MVP: variants seen among roughly 807,000 people sequenced by gnomAD.
The protein encoded by MVP is lung resistance-related protein.
Under a neutral mutation model 83.5 loss-of-function variants are expected in MVP, and 62 were observed. The ratio of observed to expected loss-of-function variants is 0.74; its 90% CI spans 0.61 to 0.92. MVP has a LOEUF of 0.92. Ranked by LOEUF, MVP falls within the 40% of genes least tolerant of loss-of-function variation. The probability of loss-of-function intolerance (pLI) is 0.00; values close to 1 mark genes in which losing one functional copy is unlikely to be tolerated. For synonymous variants in MVP, 505 were observed against 504.1 expected, an observed-to-expected ratio of 1.00 and a Z score of -0.02; for missense variants, 1,000 against 1,203.4, an observed-to-expected ratio of 0.83 and a Z score of 2.50.
chr16:29,821,702 A>G (rs889868587), intron 1 of MVP, among the ~76,000 whole-genome samples: 1 of 152,194 alleles, frequency 6.6e-6, no homozygotes, highest in Non-Finnish European at 1.5e-5. Context: ...CCGTCCTTTG[A>G]TAACTGTGTG....
At chr16:29,820,420 G>T (rs1567384999), upstream of MVP, 1 of 152,194 alleles carries the variant, frequency 6.6e-6, no homozygotes, top group Admixed American at 6.5e-5. Context: ...CCCTGGGCTT[G>T]GCCTGCCTTG....
rs1391135647 is a variant in MVP at position 29,830,658 on chromosome 16, C to T, written c.109C>T (p.Arg37Trp). Reference protein sequence around the residue: ...RVEVGPKTYIRQDNERVLFAP... With the variant: ...RVEVGPKTYIWQDNERVLFAP... ...GGAGGTCGGGCCAAAGACCTACATC[C>T]GGCAGGACAATGAGAGGTGGGTGTG... The change falls in exon 2 of 15, where the codon CGG becomes TGG. Residue 37 changes from arginine to tryptophan, a missense_variant. Coordinates refer to ENST00000357402, the MANE Select transcript of MVP (RefSeq NM_005115.5). The T allele has an allele frequency of 4.3e-6, 7 of 1,613,474 alleles. No homozygotes were observed. The highest frequency in any genetic ancestry group is 2.2e-5 in the East Asian group (1 of 44,850).
At chr16:29,835,649 T>C in intron 5 of MVP, 55 bp from the exon 6 acceptor site, 1 of 1,428,392 alleles carries the variant, frequency 7.0e-7, no homozygotes, top group South Asian at 1.2e-5. Context: ...GGGGGAGGGG[T>C]AGGTGGGGAG....
Position 29,841,771 on chromosome 16 carries a change from G to A in MVP, c.1367G>A (p.Arg456His), listed in dbSNP as rs770298393. 1.4e-5 allele frequency: 22 copies of A among 1,613,490 alleles called. No homozygotes were observed. The highest frequency in any genetic ancestry group is 4.0e-5 in the African/African-American group (3 of 74,918). ...LQPLAPRNKT[R>H]VVSYRVPHNA... is the part of the protein sequence containing the mutation. Reference sequence around the variant, plus strand: ...CCCTTGGCGCCCCGGAACAAGACCCGTGTGGTCAGCTACCGCGTGCCCCAC... The same window carrying A: ...CCCTTGGCGCCCCGGAACAAGACCCATGTGGTCAGCTACCGCGTGCCCCAC... Residue 456 changes from arginine to histidine, a missense_variant, in exon 9 of 15, where the codon CGT (arginine) becomes CAT (histidine). Coordinates refer to ENST00000357402, the MANE Select transcript of MVP (RefSeq NM_005115.5). This position sits in a 1 kb window ranked among gnomAD's most constrained non-coding sequence, Gnocchi z 4.7.
intron 10 of MVP, among the ~76,000 whole-genome samples, chr16:29,843,546 AAGGGAGGGAGGGAGGGAGGG>A (rs1172850329): frequency 1.1e-4 from 1 of 9,362 alleles, no homozygotes. Flanking sequence ...GGAAGGGAGG[AAGGGAGGGAGGGAGGGAGGG>A]AGGGAGGGAG....
Position 29,840,267 on chromosome 16 carries a change from G to C in MVP, c.999G>C (p.Leu333=). 1 of 1,613,906 alleles carries C rather than the reference G, an allele frequency of 6.2e-7. No individual in the cohort carries two copies. The highest frequency in any genetic ancestry group is 1.1e-5 in the South Asian group (1 of 91,072). ...VYVLSEQQGL[L]LRALQPLEEG... is the part of the protein sequence containing the mutation. ...TGCTGTCGGAGCAGCAGGGGCTGCT[G>C]CTGAGGGCCCTGCAGCCCCTGGAGG... Residue 333 remains leucine, a synonymous_variant, in exon 8 of 15, where the codon CTG becomes CTC. Transcript: ENST00000357402.
Position 29,844,485 on chromosome 16 carries a change from GTTCACAGGCACTT to G in MVP, c.1635-6_1641del. On this transcript the variant is annotated splice_acceptor_variant and splice_polypyrimidine_tract_variant and coding_sequence_variant and intron_variant, in exon 11 of 15. Transcript: ENST00000357402. LOFTEE classifies it high-confidence loss of function. ...CAGCTTCCCCATTCTGGGCCTGTTT[GTTCACAGGCACTT>G]TGAGGTGAATGACCGGAAGGACCCC... is the stretch of plus-strand genomic sequence containing the variant. The G allele has an allele frequency of 2.0e-6, 3 of 1,529,536 alleles. No individual in the cohort carries two copies. The highest frequency in any genetic ancestry group is 2.6e-6 in the Non-Finnish European group (3 of 1,139,856). The allele number at this position is 1,529,536 out of a possible 1,614,324, so 94.7% of individuals were successfully genotyped here. A position where few individuals can be genotyped will look rare whatever the true frequency, so the allele number is the denominator to read the frequency against.
chr16:29,821,192 G>A (rs1056784805), intron 1 of MVP: 1 of 152,306 alleles, frequency 6.6e-6, no homozygotes, highest in African/African-American at 2.4e-5. Flanking sequence ...GCACTTGGGG[G>A]TGGAGGTGAT....
rs1273537007 is a variant in MVP at position 29,844,682 on chromosome 16, C to T, written c.1824C>T (p.Thr608=). 8.7e-6 allele frequency: 14 copies of T among 1,613,986 alleles called. No individual in the cohort carries two copies. The Admixed American group carries it at 1.8e-4, about 21-fold the overall frequency. Residue 608 remains threonine, a synonymous_variant, in exon 11 of 15, where the codon ACC becomes ACT. Transcript: ENST00000357402. ...IIRTAVFGFE[T]SEAKGPDGMA... ...GCACTGCTGTCTTTGGCTTTGAGAC[C>T]TCGGAAGCGAAGGGCCCCGATGGCA... is the stretch of plus-strand genomic sequence containing the variant.
chr16:29,834,202 G>A, intron 5 of MVP, 136 bp downstream of exon 5: 2 of 1,197,998 alleles, frequency 1.7e-6, no homozygotes, highest in Non-Finnish European at 2.3e-6. Context: ...GCTGTTGAGG[G>A]CCACCCACTG....
At position 29,844,980 on chromosome 16, in the gene MVP, C is replaced by T; in HGVS notation, c.2021+101C>T. On this transcript the variant is annotated intron_variant, in intron 11 of 14. Transcript: ENST00000357402. Reference sequence around the variant, plus strand: ...CCTTGTGGACTGCCTGCTGCCATCCCTACCCTCAAAGATCTATTCCCTACC... The same window carrying T: ...CCTTGTGGACTGCCTGCTGCCATCCTTACCCTCAAAGATCTATTCCCTACC... The T allele has an allele frequency of 2.1e-6, 3 of 1,432,344 alleles. No individual in the cohort carries two copies. In the South Asian group the frequency reaches 4.1e-5, roughly 20 times the overall value. The allele number at this position is 1,432,344 out of a possible 1,614,324, so 88.7% of individuals were successfully genotyped here. A position where few individuals can be genotyped will look rare whatever the true frequency, so the allele number is the denominator to read the frequency against.
chr16:29,830,402 G>A (rs2067432059), intron 1 of MVP, 113 bp from the exon 2 acceptor site: 1 of 857,838 alleles, frequency 1.2e-6, no homozygotes, highest in African/African-American at 1.7e-5. Context: ...AGGGTGCAGT[G>A]GCCTGGCTGG....
rs932381324 is a variant in MVP at position 29,836,955 on chromosome 16, C to A, written c.906C>A (p.Val302=). 2.5e-6 allele frequency: 4 copies of A among 1,609,914 alleles called. No individual in the cohort carries two copies. The highest frequency in any genetic ancestry group is 3.4e-6 in the Non-Finnish European group (4 of 1,177,702). Residue 302 remains valine (V), a synonymous_variant, in exon 7 of 15, where the codon GTC becomes GTA. Coordinates refer to ENST00000357402, the MANE Select transcript of MVP (RefSeq NM_005115.5). ...GKNQLGQKRV[V]KGEKSFFLQP... is the part of the protein sequence containing the mutation. ...ATCAGCTGGGGCAGAAGCGCGTGGT[C>A]AAGGTGAGGTCCCTACACCCCCACA... is the stretch of plus-strand genomic sequence containing the variant.
chr16:29,838,259 C>A (rs112805440), intron 7 of MVP, among the ~76,000 whole-genome samples: 54 of 152,054 alleles, frequency 3.6e-4, no homozygotes, highest in African/African-American at 1.2e-3. Flanking sequence ...CATGGCAAAA[C>A]CCTTTCTCTA....
chr16:29,833,592 G>A, intron 3 of MVP, 141 bp from the exon 4 acceptor site: 1 of 1,104,420 alleles, frequency 9.1e-7, no homozygotes, highest in Non-Finnish European at 1.3e-6. Flanking sequence ...TGACAGGTGT[G>A]AGCCACTGTG....
Position 29,835,640 on chromosome 16 carries a change from G to A in MVP, c.578-64G>A, listed in dbSNP as rs899949401. On this transcript the variant is annotated intron_variant, in intron 5 of 14. Transcript: ENST00000357402. ...GTCAATCCCCTGTGTCTAAGCTGTG[G>A]GGGAGGGGTAGGTGGGGAGCAGGCT... The A allele has an allele frequency of 1.8e-5, 24 of 1,355,482 alleles. No individual in the cohort carries two copies. The African/African-American group carries it at 2.9e-4, about 16-fold the overall frequency. The allele number at this position is 1,355,482 out of a possible 1,614,324, so 84.0% of individuals were successfully genotyped here. A position where few individuals can be genotyped will look rare whatever the true frequency, so the allele number is the denominator to read the frequency against.
At chr16:29,829,387 CATGGCTT>C (rs2067425491) in intron 1 of MVP, among the ~76,000 whole-genome samples, 1 of 141,270 alleles carries the variant, frequency 7.1e-6, no homozygotes, top group African/African-American at 2.7e-5. Context: ...GAGGCTGAGG[CATGGCTT>C]TTGTGAGCTA....
At chr16:29,837,462 G>T (rs995337636) in intron 7 of MVP, among the ~76,000 whole-genome samples, 1 of 152,100 alleles carries the variant, frequency 6.6e-6, no homozygotes, top group Admixed American at 6.6e-5. Flanking sequence ...CAATATAAAA[G>T]CTTCGTTATA....
intron 14 of MVP, among the ~76,000 whole-genome samples, 172 bp from the exon 15 acceptor site, chr16:29,847,590 A>G (rs184621455): frequency 5.9e-5 from 9 of 152,288 alleles, no homozygotes; most frequent in Middle Eastern, 3.4e-3. Flanking sequence ...AGAGCTCCGG[A>G]GGAGACAGGA....
Sources: gnomAD v4.1 joint callset for allele counts (sites outside exome capture counted in the v4.1 genomes callset) on GRCh38, gnomAD v4.1.1 for gene constraint, Gnocchi (gnomAD v3.1) non-coding constraint, MANE v1.5 for transcripts, NCBI Gene and HGNC (gene_info 2026-07-23, HGNC 2026-07-21) for gene names.